CASS4: variants seen among roughly 807,000 people sequenced by gnomAD.
CASS4 encodes the protein Cas scaffold protein family member 4, also known as cas scaffolding protein family member 4.
In CASS4, 22 loss-of-function variants were observed where a neutral mutation model predicts 54.2. The ratio of observed to expected loss-of-function variants is 0.41; its 90% CI spans 0.29 to 0.58. CASS4 has a LOEUF of 0.58. Among genes scored for constraint, CASS4 ranks in the 20% least tolerant of loss-of-function variants. CASS4 has a pLI of 0.36. For missense variants in CASS4, 854 were observed against 986.7 expected, an observed-to-expected ratio of 0.87 and a Z score of 1.80; for synonymous variants, 409 against 391.5, an observed-to-expected ratio of 1.04 and a Z score of -0.53.
chr20:56,449,194 G>C (rs543049683), intron 3 of CASS4, among the ~76,000 whole-genome samples: 92 of 152,262 alleles, frequency 6.0e-4, no homozygotes, highest in Non-Finnish European at 1.2e-3. Context: ...CAATAGCAAA[G>C]ACTTGGAACC....
At chr20:56,455,823 C>G (rs567878550) in intron 5 of CASS4, among the ~76,000 whole-genome samples, 2 of 152,026 alleles carry the variant, frequency 1.3e-5, no homozygotes, top group South Asian at 2.1e-4. Context: ...CCCAGCTACT[C>G]GGGAGGCTGA....
intron 1 of CASS4, among the ~76,000 whole-genome samples, chr20:56,435,674 G>C (rs754702385): frequency 9.8e-5 from 15 of 152,328 alleles, no homozygotes; most frequent in Admixed American, 3.3e-4. Flanking sequence ...TTAGGAGACT[G>C]GGTTTGATCC....
chr20:56,446,944 A>G (rs1366751788), intron 3 of CASS4, among the ~76,000 whole-genome samples: 1 of 152,176 alleles, frequency 6.6e-6, no homozygotes, highest in East Asian at 1.9e-4. Flanking sequence ...GCGGCAGCTC[A>G]CACCTATAAT....
chr20:56,437,196 C>T lies in CASS4; in HGVS notation c.69C>T (p.Cys23=). ...TGGCCAGGGCACTTTATGACAACTG[C>T]CCTGACTGCTCTGACGAGCTGGCTT... The part of the protein sequence containing the change: ...ALLARALYDN[C]PDCSDELAFS... Residue 23 remains cysteine (C), a synonymous_variant, in exon 2 of 6, where the codon TGC becomes TGT. Coordinates refer to ENST00000679887, the MANE Select transcript of CASS4 (RefSeq NM_020356.4). The surrounding 1 kb of genome is among the most constrained non-coding windows in gnomAD (Gnocchi z 4.7). 6.3e-7 allele frequency: 1 copy of T among 1,588,610 alleles called. No individual in the cohort carries two copies. Among genetic ancestry groups the T allele is most frequent in the Non-Finnish European group, 8.6e-7 (1 of 1,165,360 alleles).
At chr20:56,438,941 T>C (rs1034136546) in intron 2 of CASS4, among the ~76,000 whole-genome samples, 37 of 152,222 alleles carry the variant, frequency 2.4e-4, no homozygotes, top group African/African-American at 8.7e-4. Flanking sequence ...ACACTGAGAC[T>C]GAGAAGAACA....
At chr20:56,422,073 C>G (rs925508078) in intron 1 of CASS4, among the ~76,000 whole-genome samples, 10 of 152,340 alleles carry the variant, frequency 6.6e-5, no homozygotes, top group African/African-American at 2.4e-4. Context: ...TTGCCTCCTC[C>G]TTCGGTGGGT....
At chr20:56,429,058 G>A (rs888998723) in intron 1 of CASS4, among the ~76,000 whole-genome samples, 8 of 152,216 alleles carry the variant, frequency 5.3e-5, no homozygotes, top group Non-Finnish European at 8.8e-5. Context: ...CAGTCACCCG[G>A]GCAGTGTGTC....
rs11355939 is a variant in CASS4, at chr20:56,458,014, C to CA, written c.1954-304dup. Among the ~76,000 whole-genome samples the CA allele has an allele frequency of 3.5e-3, 268 of 76,112 alleles. 2 individuals are homozygous for CA. Among genetic ancestry groups the CA allele is most frequent in the Middle Eastern group, 7.4e-3 (1 of 136 alleles). 49.9% of individuals were successfully genotyped at this position (76,112 alleles called of 152,430 possible). On this transcript the variant is annotated intron_variant, in intron 5 of 5. Transcript: ENST00000679887. ...TGGAAGATAAAGGAAAACTCTGTCT[C>CA]AAAAAAAAAAAAAAAAAAAAAAGTT...
At position 56,453,022 on chromosome 20, in the gene CASS4, C is replaced by A. The variant is rs756039782; in HGVS notation, c.1846C>A (p.Gln616Lys). ...FKCEKYIQPP[Q>K]RETESHQKST... ...GTGTGAAAAATACATCCAGCCTCCCCAAAGAGAAACTGAATCACACCAAAA... is the reference window on the plus strand; with the variant it reads ...GTGTGAAAAATACATCCAGCCTCCCAAAAGAGAAACTGAATCACACCAAAA... The change falls in exon 5 of 6, where the codon CAA becomes AAA. Residue 616 changes from glutamine to lysine, a missense_variant. Gln to Lys is a moderately conservative substitution (Grantham distance 53). Transcript: ENST00000679887. 4 of 1,613,912 alleles carry A rather than the reference C, an allele frequency of 2.5e-6. No individual in the cohort carries two copies. The South Asian group carries it at 4.4e-5, about 18-fold the overall frequency.
At chr20:56,444,115 G>C (rs1173388073) in intron 2 of CASS4, among the ~76,000 whole-genome samples, 3 of 152,134 alleles carry the variant, frequency 2.0e-5, no homozygotes, top group Non-Finnish European at 4.4e-5. Context: ...TGGCGGGGTG[G>C]ATTTTTACAC....
At chr20:56,419,513 AGCCTCCTG>A in intron 1 of CASS4, among the ~76,000 whole-genome samples, 1 of 150,508 alleles carries the variant, frequency 6.6e-6, no homozygotes, top group South Asian at 2.1e-4. Context: ...GTGCAACCTC[AGCCTCCTG>A]GCTTAAGTGA....
At chr20:56,415,169 G>A (rs1354447051) in intron 1 of CASS4, among the ~76,000 whole-genome samples, 1 of 152,160 alleles carries the variant, frequency 6.6e-6, no homozygotes, top group African/African-American at 2.4e-5. Flanking sequence ...GAGTCAGATA[G>A]TATTTTATGC....
At chr20:56,434,041 A>G (rs2146277802) in intron 1 of CASS4, among the ~76,000 whole-genome samples, 1 of 152,318 alleles carries the variant, frequency 6.6e-6, no homozygotes, top group East Asian at 1.9e-4. Context: ...TTTCCTTGAC[A>G]AAGATTTCTA....
intron 3 of CASS4, among the ~76,000 whole-genome samples, chr20:56,447,894 G>A (rs2146291512): frequency 6.6e-6 from 1 of 152,336 alleles, no homozygotes; most frequent in East Asian, 1.9e-4. Context: ...TGTAATCCCA[G>A]CACTTTGGGA....
At chr20:56,423,057 C>T (rs1356759361) in intron 1 of CASS4, among the ~76,000 whole-genome samples, 1 of 152,144 alleles carries the variant, frequency 6.6e-6, no homozygotes, top group African/African-American at 2.4e-5. Flanking sequence ...AGTGAGCCTC[C>T]CCCAGGAGCT....
intron 3 of CASS4, among the ~76,000 whole-genome samples, chr20:56,447,630 C>T (rs1025539892): frequency 2.6e-5 from 4 of 152,226 alleles, no homozygotes; most frequent in Non-Finnish European, 5.9e-5. Flanking sequence ...CCTGCAAGTC[C>T]CTCCAGGTGG....
chr20:56,433,688 G>C (rs112135288), intron 1 of CASS4, among the ~76,000 whole-genome samples: 1 of 152,162 alleles, frequency 6.6e-6, no homozygotes. Flanking sequence ...ATTGTCCATC[G>C]GCTGTAGCTC....
intron 3 of CASS4, 91 bp downstream of exon 3, chr20:56,446,092 T>A: frequency 2.4e-6 from 2 of 825,650 alleles, no homozygotes; most frequent in Non-Finnish European, 3.8e-6. Context: ...ATTTCAGCAT[T>A]ACCATGGCGG....
At chr20:56,448,269 T>C (rs1352793739) in intron 3 of CASS4, among the ~76,000 whole-genome samples, 4 of 152,262 alleles carry the variant, frequency 2.6e-5, no homozygotes, top group Middle Eastern at 6.8e-3. Context: ...TTCACCATGA[T>C]TTTTTTGCAT....
Sources: gnomAD v4.1 joint callset for allele counts (sites outside exome capture counted in the v4.1 genomes callset) on GRCh38, gnomAD v4.1.1 for gene constraint, Gnocchi (gnomAD v3.1) non-coding constraint, MANE v1.5 for transcripts, NCBI Gene and HGNC (gene_info 2026-07-23, HGNC 2026-07-21) for gene names.